The following ARHGAP15 variants were observed in gnomAD, a reference collection of about 807,000 sequenced individuals.
ARHGAP15 encodes the protein Rho GTPase activating protein 15.
Under a neutral mutation model 63.7 loss-of-function variants are expected in ARHGAP15, and 51 were observed. That is an observed-to-expected ratio of 0.80 (90% CI 0.64 to 1.01). The LOEUF (loss-of-function observed/expected upper bound fraction) is 1.01, where lower values mean the gene tolerates loss of function less well. Among genes scored for constraint, ARHGAP15 ranks in the 50% least tolerant of loss-of-function variants. The probability of loss-of-function intolerance (pLI) is 0.00; values close to 1 mark genes in which losing one functional copy is unlikely to be tolerated. For synonymous variants in ARHGAP15, 191 were observed against 193.8 expected (o/e 0.99, Z 0.12); for missense variants, 560 against 564.6 (o/e 0.99, Z 0.08).
intron 6 of ARHGAP15, among the ~76,000 whole-genome samples, chr2:143,429,210 G>C (rs2105073022): frequency 7.2e-6 from 1 of 139,566 alleles, no homozygotes; most frequent in East Asian, 2.0e-4. Flanking sequence ...TAAAAAGAAT[G>C]AACATGAGGG....
chr2:143,448,908 G>A (rs1040814543), intron 8 of ARHGAP15, among the ~76,000 whole-genome samples: 1 of 151,986 alleles, frequency 6.6e-6, no homozygotes, highest in African/African-American at 2.4e-5. Flanking sequence ...GTTTTTGAAA[G>A]TCCAGAGCCA....
intron 13 of ARHGAP15, among the ~76,000 whole-genome samples, chr2:143,718,163 T>C (rs1203366886): frequency 6.6e-6 from 1 of 152,042 alleles, no homozygotes; most frequent in East Asian, 1.9e-4. Context: ...AAGACTGTAA[T>C]GTCTAGGCTG....
At chr2:143,155,683 G>A (rs769919522) in intron 2 of ARHGAP15, 28 bp downstream of exon 2, 11 of 1,505,594 alleles carry the variant, frequency 7.3e-6, no homozygotes, top group Non-Finnish European at 8.8e-6. Context: ...AATATCCCAA[G>A]TTCCTTGTCA....
intron 12 of ARHGAP15, among the ~76,000 whole-genome samples, chr2:143,681,316 C>A (rs945957524): frequency 1.7e-4 from 26 of 152,048 alleles, no homozygotes; most frequent in African/African-American, 6.0e-4. Context: ...AATCCCTGGG[C>A]CTTTATGTTA....
At chr2:143,744,772 C>A (rs1686098706) in intron 13 of ARHGAP15, among the ~76,000 whole-genome samples, 1 of 152,144 alleles carries the variant, frequency 6.6e-6, no homozygotes, top group South Asian at 2.1e-4. Context: ...ATTCTGTCTT[C>A]AATATCCACC....
intron 12 of ARHGAP15, among the ~76,000 whole-genome samples, chr2:143,661,758 T>C (rs564885357): frequency 6.6e-6 from 1 of 152,188 alleles, no homozygotes; most frequent in African/African-American, 2.4e-5. Context: ...ATTGCCTCAC[T>C]TGGGAAGCGC....
intron 6 of ARHGAP15, among the ~76,000 whole-genome samples, chr2:143,302,588 A>G (rs1682953897): frequency 6.6e-6 from 1 of 151,984 alleles, no homozygotes; most frequent in Non-Finnish European, 1.5e-5. Flanking sequence ...TTTATGACAA[A>G]AGTTGTCTAA....
chr2:143,673,942 A>G (rs1260416533), intron 12 of ARHGAP15, among the ~76,000 whole-genome samples: 2 of 151,326 alleles, frequency 1.3e-5, no homozygotes, highest in Non-Finnish European at 2.9e-5. Flanking sequence ...TAAAATCCCA[A>G]TGGGATATGA....
At position 143,330,126 on chromosome 2, in the gene ARHGAP15, AAAAAAC is replaced by A. The variant is rs1684469132; in HGVS notation, c.474+79527_474+79532del. Among the ~76,000 whole-genome samples, 6 of 92,096 alleles carry A rather than the reference AAAAAAC, an allele frequency of 6.5e-5. 2 individuals are homozygous for A. Among genetic ancestry groups the A allele is most frequent in the Admixed American group, 5.2e-4 (4 of 7,664 alleles). 60.4% of individuals were successfully genotyped at this position (92,096 alleles called of 152,430 possible). A position where few individuals can be genotyped will look rare whatever the true frequency, so the allele number is the denominator to read the frequency against. The stretch of plus-strand genomic sequence containing the variant: ...AAAAAAAAAAAAAAAAAAAAAAAAA[AAAAAAC>A]CAAAAACAAAAAACTAAACTAATGA... On this transcript the variant is annotated intron_variant, in intron 6 of 13. Transcript: ENST00000295095.
chr2:143,336,927 A>G (rs1447335139), intron 6 of ARHGAP15, among the ~76,000 whole-genome samples: 1 of 152,128 alleles, frequency 6.6e-6, no homozygotes, highest in Non-Finnish European at 1.5e-5. Flanking sequence ...GTGATCATGG[A>G]TAAGATTCCT....
chr2:143,754,225 GT>G (rs1479957154), intron 13 of ARHGAP15, among the ~76,000 whole-genome samples: 6 of 152,152 alleles, frequency 3.9e-5, no homozygotes, highest in African/African-American at 1.4e-4. Flanking sequence ...ACAAATACTT[GT>G]TGAGTACTTA....
chr2:143,242,521 G>A (rs1317645527), intron 5 of ARHGAP15, among the ~76,000 whole-genome samples: 1 of 152,192 alleles, frequency 6.6e-6, no homozygotes, highest in East Asian at 1.9e-4. Context: ...CTCATTTCTT[G>A]AAAAGTGTAG....
chr2:143,282,415 T>G (rs969522360), intron 6 of ARHGAP15, among the ~76,000 whole-genome samples: 3 of 152,074 alleles, frequency 2.0e-5, no homozygotes, highest in Admixed American at 2.0e-4. Flanking sequence ...CTCACAATCA[T>G]GGCAGAAAGC....
chr2:143,412,805 C>G (rs940271018), intron 6 of ARHGAP15, among the ~76,000 whole-genome samples: 1 of 152,108 alleles, frequency 6.6e-6, no homozygotes, highest in African/African-American at 2.4e-5. Context: ...AGTTATACAT[C>G]TCAAAACCTT....
intron 10 of ARHGAP15, among the ~76,000 whole-genome samples, chr2:143,538,776 G>T (rs1384015761): frequency 6.6e-6 from 1 of 152,174 alleles, no homozygotes; most frequent in Non-Finnish European, 1.5e-5. Flanking sequence ...GCTGGATTCG[G>T]TTTGCCAGTA....
At chr2:143,159,990 C>T (rs1690227086) in intron 2 of ARHGAP15, among the ~76,000 whole-genome samples, 1 of 151,808 alleles carries the variant, frequency 6.6e-6, no homozygotes. Context: ...CAATTATTTT[C>T]TCGTAGCGAG....
At chr2:143,444,514 T>A (rs1336192258) in intron 8 of ARHGAP15, among the ~76,000 whole-genome samples, 1 of 152,236 alleles carries the variant, frequency 6.6e-6, no homozygotes, top group Non-Finnish European at 1.5e-5. Context: ...TTATTTTGAA[T>A]GCAAATGATC....
intron 12 of ARHGAP15, among the ~76,000 whole-genome samples, chr2:143,625,969 A>G (rs1698819428): frequency 6.6e-6 from 1 of 152,164 alleles, no homozygotes; most frequent in African/African-American, 2.4e-5. Context: ...TCATTTTCTT[A>G]GCTTGAGAGA....
At chr2:143,393,727 A>T (rs529473413) in intron 6 of ARHGAP15, among the ~76,000 whole-genome samples, 671 of 12,422 alleles carry the variant, frequency 0.054, 17 homozygotes, top group African/African-American at 0.093. Flanking sequence ...GACTCTGTCT[A>T]AAAAAAAAAA....
Sources: allele counts gnomAD v4.1 joint callset (sites outside exome capture counted in the v4.1 genomes callset), GRCh38; gene constraint gnomAD v4.1.1; transcripts MANE v1.5; gene names NCBI Gene and HGNC (gene_info 2026-07-23, HGNC 2026-07-21).